The following PSG3 variants were observed in gnomAD, a reference collection of about 807,000 sequenced individuals.
PSG3 encodes pregnancy-specific beta-1-glycoprotein 3.
A neutral mutation model predicts 47.5 loss-of-function variants in PSG3; 61 were observed. The observed-to-expected ratio is 1.28, with a 90% CI of 1.05 to 1.59. The LOEUF (loss-of-function observed/expected upper bound fraction) is 1.59. Ranked by LOEUF, PSG3 falls within the 40% of genes most tolerant of loss-of-function variation. The pLI, the probability that PSG3 is intolerant of heterozygous loss-of-function variation, is 0.00. For missense variants in PSG3, 756 were observed against 524.0 expected (o/e 1.44, Z -4.32); for synonymous variants, 263 against 198.4 (o/e 1.33, Z -2.74).
At chr19:42,739,947 T>A (rs1291459809) in intron 1 of PSG3, among the ~76,000 whole-genome samples, 1 of 151,872 alleles carries the variant, frequency 6.6e-6, no homozygotes, top group African/African-American at 2.4e-5. Flanking sequence ...TTTTTCTTTT[T>A]TCTTTCCATT....
At chr19:42,732,553 A>T in intron 3 of PSG3, 1 of 1,061,456 alleles carries the variant, frequency 9.4e-7, no homozygotes, top group South Asian at 1.6e-5. Flanking sequence ...TGTTTTGCCC[A>T]TCACAAGCTG....
At chr19:42,732,687 C>A (rs1969491919) in intron 3 of PSG3, 97 bp downstream of exon 3, 1 of 1,613,668 alleles carries the variant, frequency 6.2e-7, no homozygotes, top group South Asian at 1.1e-5. Context: ...GGGTAAAGGT[C>A]TCTGTACTTG....
intron 5 of PSG3, among the ~76,000 whole-genome samples, chr19:42,726,737 A>C (rs557282419): frequency 6.6e-5 from 10 of 152,208 alleles, no homozygotes; most frequent in South Asian, 4.1e-4. Context: ...AGATTCAATA[A>C]AATTCCTATC....
intron 2 of PSG3, among the ~76,000 whole-genome samples, chr19:42,735,673 T>G (rs1969551812): frequency 6.6e-6 from 1 of 152,190 alleles, no homozygotes; most frequent in Non-Finnish European, 1.5e-5. Context: ...CTCTGAGGGA[T>G]TTTAATGAGT....
At chr19:42,729,007 T>C (rs1026841317) in intron 5 of PSG3, 116 bp downstream of exon 5, 3 of 1,586,054 alleles carry the variant, frequency 1.9e-6, no homozygotes, top group Non-Finnish European at 2.6e-6. Context: ...GAATTTGGGA[T>C]TTGCTTGTGC....
chr19:42,730,721 A>G (rs1211626130), intron 3 of PSG3, among the ~76,000 whole-genome samples: 1 of 152,230 alleles, frequency 6.6e-6, no homozygotes, highest in African/African-American at 2.4e-5. Context: ...AGTGCAAGGA[A>G]TGATCTAGAA....
intron 2 of PSG3, among the ~76,000 whole-genome samples, chr19:42,737,600 T>G (rs1468408882): frequency 6.6e-6 from 1 of 152,192 alleles, no homozygotes; most frequent in African/African-American, 2.4e-5. Flanking sequence ...GACTAATCAG[T>G]TGACCGTTTG....
intron 6 of PSG3, 118 bp downstream of exon 6, chr19:42,723,824 G>A (rs1969332802): frequency 1.3e-6 from 1 of 787,670 alleles, no homozygotes; most frequent in Non-Finnish European, 2.2e-6. Context: ...CTGAGAAGCA[G>A]GAGTTAGTGG....
intron 2 of PSG3, among the ~76,000 whole-genome samples, chr19:42,734,394 TG>T (rs1487376431): frequency 1.3e-5 from 2 of 152,220 alleles, no homozygotes; most frequent in Admixed American, 6.5e-5. Flanking sequence ...GGTTGAGTTT[TG>T]GAGCATTTCA....
chr19:42,727,302 A>G (rs1190084851), intron 5 of PSG3, among the ~76,000 whole-genome samples: 13 of 152,222 alleles, frequency 8.5e-5, no homozygotes, highest in African/African-American at 2.7e-4. Flanking sequence ...ATCAAAGAAC[A>G]CTATCAAGAA....
rs752012925 is a variant in PSG3 at position 42,729,998 on chromosome 19, A to G, written c.768T>C (p.Asp256=). ...INNLNPRENK[D]VLAFTCEPKS... ...TAGGTTCACAGGTGAAGGCTAAGAC[A>G]TCCTTATTCTCCCTGGGGTTTAAGT... is the stretch of plus-strand genomic sequence containing the variant. Residue 256 remains aspartate, a synonymous_variant, in exon 4 of 7, where the codon GAT becomes GAC. Coordinates refer to ENST00000327495, the MANE Select transcript of PSG3 (RefSeq NM_021016.4). 1.2e-6 allele frequency: 2 copies of G among 1,612,498 alleles called. No individual in the cohort carries two copies. Among genetic ancestry groups the G allele is most frequent in the Non-Finnish European group, 1.7e-6 (2 of 1,179,860 alleles).
At chr19:42,734,802 GT>G (rs1255498996) in intron 2 of PSG3, among the ~76,000 whole-genome samples, 6 of 152,340 alleles carry the variant, frequency 3.9e-5, no homozygotes, top group African/African-American at 1.4e-4. Flanking sequence ...AGTGATGTGT[GT>G]TATGTTAGTA....
intron 5 of PSG3, among the ~76,000 whole-genome samples, chr19:42,725,704 A>T (rs948525982): frequency 2.0e-5 from 3 of 151,952 alleles, no homozygotes; most frequent in African/African-American, 7.3e-5. Flanking sequence ...ACAAAAAAAT[A>T]AAAAAGCCAA....
rs565672441 is a variant in PSG3, at chr19:42,725,934, C to T, written c.1244-1909G>A. On this transcript the variant is annotated intron_variant, in intron 5 of 6. Coordinates refer to ENST00000327495, the MANE Select transcript of PSG3 (RefSeq NM_021016.4). ...AGAAAAAAGAAAAATGAAGCGATTA[C>T]TACCAATTCTAATAAACTAATGATT... Among the ~76,000 whole-genome samples, 23 of 140,640 alleles carry T rather than the reference C, an allele frequency of 1.6e-4. No homozygotes were observed. The East Asian group carries it at 4.5e-3, about 27-fold the overall frequency. The allele number at this position is 140,640 out of a possible 152,430, so 92.3% of individuals were successfully genotyped here. A position where few individuals can be genotyped will look rare whatever the true frequency, so the allele number is the denominator to read the frequency against.
In PSG3 at chr19:42,740,452, G is replaced by T. The variant is rs190770882; in HGVS notation, c.-68C>A. On this transcript the variant is annotated 5_prime_UTR_variant, in exon 1 of 7. Coordinates refer to ENST00000327495, the MANE Select transcript of PSG3 (RefSeq NM_021016.4). The stretch of plus-strand genomic sequence containing the variant: ...AGGATCCAGAAACTTCCTGAGCATG[G>T]CTCTCAGCTGTGCTGTCCTTCCTCC... 397 of 1,613,150 alleles carry T rather than the reference G, an allele frequency of 2.5e-4. No individual in the cohort carries two copies. The highest frequency in any genetic ancestry group is 6.7e-4 in the Admixed American group (40 of 59,980).
At chr19:42,735,232 T>A (rs543772397) in intron 2 of PSG3, among the ~76,000 whole-genome samples, 2 of 152,206 alleles carry the variant, frequency 1.3e-5, no homozygotes, top group African/African-American at 2.4e-5. Flanking sequence ...TTGTTCCACT[T>A]TTTTTCCCCA....
intron 2 of PSG3, among the ~76,000 whole-genome samples, chr19:42,734,868 G>A (rs1253767730): frequency 6.6e-6 from 1 of 152,162 alleles, no homozygotes; most frequent in African/African-American, 2.4e-5. Flanking sequence ...AAATGGGGAG[G>A]ACCCCAAAAC....
At chr19:42,738,173 G>A (rs1969597822) in intron 2 of PSG3, among the ~76,000 whole-genome samples, 1 of 152,184 alleles carries the variant, frequency 6.6e-6, no homozygotes, top group African/African-American at 2.4e-5. Context: ...CCCAGATGAG[G>A]CTCTGAGGGC....
chr19:42,722,388 C>CCT (rs1405657402), intron 6 of PSG3, among the ~76,000 whole-genome samples: 1 of 152,082 alleles, frequency 6.6e-6, no homozygotes, highest in Non-Finnish European at 1.5e-5. Flanking sequence ...GTAGCTGGGA[C>CCT]TACAGGTGCC....
Sources: gnomAD v4.1 joint callset for allele counts (sites outside exome capture counted in the v4.1 genomes callset) on GRCh38, gnomAD v4.1.1 for gene constraint, MANE v1.5 for transcripts, NCBI Gene and HGNC (gene_info 2026-07-23, HGNC 2026-07-21) for gene names.